The following CADPS2 variants were observed in gnomAD, a reference collection of about 807,000 sequenced individuals.
CADPS2 encodes calcium dependent secretion activator 2.
CADPS2 carries 93 observed loss-of-function variants against 172.5 expected under a neutral mutation model. That is an observed-to-expected ratio of 0.54 (90% CI 0.46 to 0.64). The LOEUF is 0.64. CADPS2 is among the 30% of genes least tolerant of loss of function. The pLI is 0.00. For missense variants in CADPS2, 1,420 were observed against 1,565.9 expected, an observed-to-expected ratio of 0.91 and a Z score of 1.57; for synonymous variants, 546 against 555.2, an observed-to-expected ratio of 0.98 and a Z score of 0.23.
At chr7:122,448,828 T>G (rs911855173) in intron 15 of CADPS2, among the ~76,000 whole-genome samples, 1 of 152,146 alleles carries the variant, frequency 6.6e-6, no homozygotes, top group Non-Finnish European at 1.5e-5. Flanking sequence ...AAGAGAAGAC[T>G]ATAGAAAAAT....
At chr7:122,880,028 T>G (rs1318229772) in intron 1 of CADPS2, among the ~76,000 whole-genome samples, 1 of 152,232 alleles carries the variant, frequency 6.6e-6, no homozygotes, top group East Asian at 1.9e-4. Flanking sequence ...AATAATTATG[T>G]TAGAATGACT....
At chr7:122,593,395 G>A (rs2071216091) in intron 6 of CADPS2, among the ~76,000 whole-genome samples, 1 of 151,960 alleles carries the variant, frequency 6.6e-6, no homozygotes, top group African/African-American at 2.4e-5. Flanking sequence ...TACAGAAATA[G>A]GGCTACCAAG....
At chr7:122,616,931 T>A (rs569447574) in intron 5 of CADPS2, among the ~76,000 whole-genome samples, 2 of 152,232 alleles carry the variant, frequency 1.3e-5, no homozygotes, top group Admixed American at 1.3e-4. Flanking sequence ...ATTTCTCTAA[T>A]AACTTCTTAA....
chr7:122,742,228 TA>T (rs544837802), intron 1 of CADPS2, among the ~76,000 whole-genome samples: 5 of 150,134 alleles, frequency 3.3e-5, no homozygotes, highest in African/African-American at 4.9e-5. Flanking sequence ...CCGTCTCTAC[TA>T]AAAAAAAATA....
chr7:122,353,752 C>A (rs867835177), intron 27 of CADPS2, among the ~76,000 whole-genome samples: 1 of 152,156 alleles, frequency 6.6e-6, no homozygotes, highest in African/African-American at 2.4e-5. Flanking sequence ...TCTTCAGTAC[C>A]ACACCTGGCA....
chr7:122,388,590 C>T lies in CADPS2; in HGVS notation c.3157G>A (p.Val1053Ile), dbSNP rs1342053990. The T allele has an allele frequency of 6.3e-7, 1 of 1,586,960 alleles. No homozygotes were observed. The change falls in exon 23 of 30, where the codon GTC (valine) becomes ATC (isoleucine). Residue 1053 changes from valine to isoleucine, a missense_variant. Transcript: ENST00000449022. Reference protein sequence around the residue: ...LMASDMLEACVKRTRTAFELK... With the variant: ...LMASDMLEACIKRTRTAFELK... ...TTGAAAATACATGTCTACCTTTTGACACAGGCCTCTAGCATATCACTGGCC... is the reference window on the plus strand; with the variant it reads ...TTGAAAATACATGTCTACCTTTTGATACAGGCCTCTAGCATATCACTGGCC...
At chr7:122,675,373 T>C (rs1254562775) in intron 2 of CADPS2, among the ~76,000 whole-genome samples, 2 of 152,200 alleles carry the variant, frequency 1.3e-5, no homozygotes, top group Non-Finnish European at 2.9e-5. Flanking sequence ...AAAAGGCCAG[T>C]GTGCCTCCTC....
At chr7:122,501,366 A>T (rs2059185414) in intron 9 of CADPS2, among the ~76,000 whole-genome samples, 1 of 152,194 alleles carries the variant, frequency 6.6e-6, no homozygotes, top group South Asian at 2.1e-4. Context: ...TTTTTAGAGG[A>T]TTCAAAACTC....
intron 1 of CADPS2, among the ~76,000 whole-genome samples, chr7:122,762,009 A>T (rs1244836774): frequency 5.0e-5 from 4 of 80,626 alleles, no homozygotes; most frequent in African/African-American, 2.4e-4. Flanking sequence ...AAAAAAAAAA[A>T]AAAAATATAT....
intron 3 of CADPS2, among the ~76,000 whole-genome samples, chr7:122,646,273 C>T (rs1423348965): frequency 2.0e-5 from 3 of 152,038 alleles, no homozygotes; most frequent in South Asian, 2.1e-4. Flanking sequence ...CATTACTGTA[C>T]ATATGGTACA....
At chr7:122,849,727 C>T (rs1316864777) in intron 1 of CADPS2, 5 of 385,968 alleles carry the variant, frequency 1.3e-5, no homozygotes, top group Non-Finnish European at 2.0e-5. Flanking sequence ...AAAGCCAATA[C>T]TATTTCTCAG....
At chr7:122,790,273 C>G (rs1440251811) in intron 1 of CADPS2, among the ~76,000 whole-genome samples, 1 of 151,436 alleles carries the variant, frequency 6.6e-6, no homozygotes, top group Non-Finnish European at 1.5e-5. Flanking sequence ...GTGATGTGCG[C>G]TTGTATTCCT....
intron 9 of CADPS2, among the ~76,000 whole-genome samples, chr7:122,496,026 T>C (rs1437163161): frequency 6.6e-6 from 1 of 152,208 alleles, no homozygotes; most frequent in Non-Finnish European, 1.5e-5. Context: ...CCACAATCAA[T>C]TTTGCCAGAG....
rs149032506 is a variant in CADPS2 at position 122,468,717 on chromosome 7, G to A, written c.2186+2658C>T. On this transcript the variant is annotated intron_variant, in intron 14 of 29. Transcript: ENST00000449022. ...GGGTCAGTTTGCAAATTTCAGAGCC[G>A]GGATTCAAGTGAAGATCTTTTGCCT... is the stretch of plus-strand genomic sequence containing the variant. Among the ~76,000 whole-genome samples, 538 of 152,232 alleles carry A rather than the reference G, an allele frequency of 3.5e-3. 4 individuals are homozygous for A. The highest frequency in any genetic ancestry group is 0.012 in the African/African-American group (501 of 41,536).
At chr7:122,625,916 T>C (rs769332194) in intron 4 of CADPS2, among the ~76,000 whole-genome samples, 1 of 152,204 alleles carries the variant, frequency 6.6e-6, no homozygotes, top group Non-Finnish European at 1.5e-5. Context: ...TATAATCTCC[T>C]ATTGGCTCTG....
intron 4 of CADPS2, among the ~76,000 whole-genome samples, chr7:122,622,499 T>G (rs2075701671): frequency 6.6e-6 from 1 of 152,220 alleles, no homozygotes; most frequent in African/African-American, 2.4e-5. Flanking sequence ...TAAAAGGATG[T>G]TCCAAATATT....
chr7:122,667,418 A>G (rs1380385144), intron 2 of CADPS2, among the ~76,000 whole-genome samples: 1 of 152,304 alleles, frequency 6.6e-6, no homozygotes, highest in Admixed American at 6.5e-5. Flanking sequence ...GGACACCAAG[A>G]AACTTACATT....
chr7:122,791,120 T>A (rs1291375916), intron 1 of CADPS2, among the ~76,000 whole-genome samples: 1 of 152,168 alleles, frequency 6.6e-6, no homozygotes, highest in Admixed American at 6.5e-5. Context: ...TGTATAAGAT[T>A]GTATCAACGG....
At chr7:122,486,733 C>T (rs1350285031) in intron 11 of CADPS2, among the ~76,000 whole-genome samples, 1 of 152,116 alleles carries the variant, frequency 6.6e-6, no homozygotes, top group Non-Finnish European at 1.5e-5. Flanking sequence ...CAAACAGCAT[C>T]ACATGCTACC....
Sources: allele counts gnomAD v4.1 joint callset (sites outside exome capture counted in the v4.1 genomes callset), GRCh38; gene constraint gnomAD v4.1.1; transcripts MANE v1.5; gene names NCBI Gene and HGNC (gene_info 2026-07-23, HGNC 2026-07-21).